CDK5RAP1: variants seen among roughly 807,000 people sequenced by gnomAD.
CDK5RAP1 encodes mitochondrial tRNA methylthiotransferase CDK5RAP1.
Under a neutral mutation model 64.5 loss-of-function variants are expected in CDK5RAP1, and 62 were observed. The observed-to-expected ratio is 0.96, with a 90% CI of 0.78 to 1.19. CDK5RAP1 has a LOEUF of 1.19. CDK5RAP1 is among the 50% of genes most tolerant of loss of function. CDK5RAP1 has a pLI of 0.00. For synonymous variants in CDK5RAP1, 250 were observed against 261.9 expected, an observed-to-expected ratio of 0.95 and a Z score of 0.44; for missense variants, 657 against 735.0, an observed-to-expected ratio of 0.89 and a Z score of 1.23.
intron 5 of CDK5RAP1, among the ~76,000 whole-genome samples, chr20:33,388,408 TC>T (rs1373454126): frequency 6.6e-6 from 1 of 152,196 alleles, no homozygotes; most frequent in Admixed American, 6.6e-5. Flanking sequence ...AGCACTATTA[TC>T]CACAATAGCC....
At chr20:33,361,331 C>A (rs1982874783) in intron 12 of CDK5RAP1, among the ~76,000 whole-genome samples, 1 of 152,134 alleles carries the variant, frequency 6.6e-6, no homozygotes, top group Admixed American at 6.5e-5. Context: ...GAAGCAAATT[C>A]TAGAGAGAAG....
At chr20:33,390,811 A>G (rs1988223105) in intron 5 of CDK5RAP1, among the ~76,000 whole-genome samples, 1 of 152,136 alleles carries the variant, frequency 6.6e-6, no homozygotes. Context: ...GTGTGGACCC[A>G]TCGTTAGGAG....
intron 8 of CDK5RAP1, among the ~76,000 whole-genome samples, chr20:33,378,320 C>T (rs1230394682): frequency 6.6e-6 from 1 of 152,146 alleles, no homozygotes; most frequent in Non-Finnish European, 1.5e-5. Flanking sequence ...TCAGAACACA[C>T]ACATCATTTA....
chr20:33,379,748 A>C (rs1028897941), intron 7 of CDK5RAP1, 57 bp from the exon 8 acceptor site: 1 of 1,285,932 alleles, frequency 7.8e-7, no homozygotes, highest in Non-Finnish European at 1.1e-6. Context: ...TCATAAAAAA[A>C]CACTAATTAA....
intron 11 of CDK5RAP1, among the ~76,000 whole-genome samples, chr20:33,369,192 A>C (rs2146605892): frequency 6.6e-6 from 1 of 151,924 alleles, no homozygotes; most frequent in Admixed American, 6.6e-5. Context: ...AAAAGAAGCA[A>C]AATAGAAGGG....
At position 33,374,181 on chromosome 20, in the gene CDK5RAP1, A is replaced by T. The variant is rs1377952800; in HGVS notation, c.1139T>A (p.Ile380Asn). ...GGCTGGCAGGTGGATCTGTTTACAG[A>T]TGTTATCTCTCTCATGAATCAGCTG... is the stretch of plus-strand genomic sequence containing the variant. The part of the protein sequence containing the change: ...VLQLIHERDN[I>N]CKQIHLPAQS... The change falls in exon 9 of 14, where the codon ATC becomes AAC. Residue 380 changes from isoleucine (I) to asparagine (N), a missense_variant. Ile to Asn is a moderately radical substitution (Grantham distance 149, BLOSUM62 -3). Transcript: ENST00000346416. The T allele has an allele frequency of 6.2e-7, 1 of 1,613,750 alleles. No homozygotes were observed. Among genetic ancestry groups the T allele is most frequent in the Admixed American group, 1.7e-5 (1 of 60,022 alleles).
At chr20:33,368,130 T>C (rs533451085) in intron 11 of CDK5RAP1, among the ~76,000 whole-genome samples, 1 of 152,228 alleles carries the variant, frequency 6.6e-6, no homozygotes, top group Non-Finnish European at 1.5e-5. Context: ...CACGTAGTTA[T>C]TAAGCAGCAG....
chr20:33,397,181 C>A, intron 1 of CDK5RAP1, 97 bp from the exon 2 acceptor site: 1 of 858,854 alleles, frequency 1.2e-6, no homozygotes, highest in Non-Finnish European at 1.7e-6. Context: ...TTACCCCTCA[C>A]AAAAGCCCAT....
intron 9 of CDK5RAP1, chr20:33,373,164 G>C (rs1985375610): frequency 6.0e-6 from 1 of 165,642 alleles, no homozygotes; most frequent in East Asian, 1.8e-4. Flanking sequence ...GTGTGTGTGT[G>C]TGTGTGTGTG....
intron 12 of CDK5RAP1, among the ~76,000 whole-genome samples, chr20:33,366,318 CAAAAA>C (rs759479446): frequency 6.3e-5 from 2 of 31,790 alleles, no homozygotes; most frequent in African/African-American, 2.3e-4. Context: ...GACTCCATCT[CAAAAA>C]AAAAAAAAAA....
chr20:33,362,192 AC>A (rs1383964818), intron 12 of CDK5RAP1, among the ~76,000 whole-genome samples: 2 of 152,144 alleles, frequency 1.3e-5, no homozygotes, highest in Non-Finnish European at 2.9e-5. Flanking sequence ...CAAAGAAAAC[AC>A]AAAGGGGTAA....
intron 13 of CDK5RAP1, chr20:33,360,104 T>C: frequency 2.0e-6 from 1 of 492,416 alleles, no homozygotes; most frequent in Non-Finnish European, 3.6e-6. Context: ...TACATGCCAC[T>C]GCATACTCCA....
intron 7 of CDK5RAP1, among the ~76,000 whole-genome samples, chr20:33,383,888 AAAAAAAT>A (rs1987086885): frequency 6.6e-6 from 1 of 152,042 alleles, no homozygotes; most frequent in East Asian, 1.9e-4. Flanking sequence ...CTCCAGCCAA[AAAAAAAT>A]AAAAAATAAA....
intron 8 of CDK5RAP1, among the ~76,000 whole-genome samples, chr20:33,375,650 T>C (rs1985875119): frequency 6.6e-6 from 1 of 152,122 alleles, no homozygotes; most frequent in Non-Finnish European, 1.5e-5. Context: ...ACCTACTCCA[T>C]GCCAGGCACT....
At chr20:33,401,400 A>G in intron 1 of CDK5RAP1, 28 bp downstream of exon 1, 1 of 985,414 alleles carries the variant, frequency 1.0e-6, no homozygotes, top group Non-Finnish European at 1.2e-6. Context: ...GCGGGTGCGC[A>G]GCCCACCCCG....
intron 12 of CDK5RAP1, among the ~76,000 whole-genome samples, chr20:33,362,664 A>T (rs1237956794): frequency 6.6e-6 from 1 of 151,906 alleles, no homozygotes; most frequent in East Asian, 1.9e-4. Context: ...TTAGGGATAC[A>T]AAAGTAAAAC....
chr20:33,379,728 T>C lies in CDK5RAP1; in HGVS notation c.877-37A>G, dbSNP rs771641047. The C allele has an allele frequency of 9.0e-6, 13 of 1,440,752 alleles. No individual in the cohort carries two copies. The South Asian group carries it at 1.1e-4, about 12-fold the overall frequency. 89.2% of individuals were successfully genotyped at this position (1,440,752 alleles called of 1,614,324 possible). A position where few individuals can be genotyped will look rare whatever the true frequency, so the allele number is the denominator to read the frequency against. ...AAAATATATTGGAATTTTAAAACTT[T>C]TGGGTAGCTTCATAAAAAAACACTA... On this transcript the variant is annotated intron_variant, in intron 7 of 13. Transcript: ENST00000346416.
intron 4 of CDK5RAP1, among the ~76,000 whole-genome samples, chr20:33,393,705 C>A (rs1988590049): frequency 6.6e-6 from 1 of 152,158 alleles, no homozygotes; most frequent in African/African-American, 2.4e-5. Context: ...TAAACATATG[C>A]CATTAGTTAC....
intron 1 of CDK5RAP1, among the ~76,000 whole-genome samples, chr20:33,397,634 T>C (rs1989026729): frequency 6.6e-6 from 1 of 152,214 alleles, no homozygotes. Flanking sequence ...TCCTTTGAGT[T>C]CCTTCAGAAG....
Sources: allele counts gnomAD v4.1 joint callset (sites outside exome capture counted in the v4.1 genomes callset), GRCh38; gene constraint gnomAD v4.1.1; transcripts MANE v1.5; gene names NCBI Gene and HGNC (gene_info 2026-07-23, HGNC 2026-07-21).